Variants in RBM5 observed in about 807,000 individuals in gnomAD.
The protein encoded by RBM5 is RNA binding motif protein 5.
A neutral mutation model predicts 124.6 loss-of-function variants in RBM5; 15 were observed. That is an observed-to-expected ratio of 0.12 (90% CI 0.08 to 0.19). The LOEUF is 0.19. Ranked by LOEUF, RBM5 falls within the 10% of genes least tolerant of loss-of-function variation. The pLI is 1.00. For synonymous variants in RBM5, 337 were observed against 361.2 expected (o/e 0.93, Z 0.76); for missense variants, 580 against 1,026.5 (o/e 0.57, Z 5.94).
chr3:50,090,542 TG>T, intron 2 of RBM5, 91 bp downstream of exon 2: 3 of 1,473,434 alleles, frequency 2.0e-6, no homozygotes, highest in Non-Finnish European at 2.8e-6. Context: ...AATATATGAG[TG>T]TTTTGCGCCA....
chr3:50,113,390 A>G lies in RBM5; in HGVS notation c.1463A>G (p.Tyr488Cys), dbSNP rs2109016636. 1 of 1,612,620 alleles carries G rather than the reference A, an allele frequency of 6.2e-7. No homozygotes were observed. The highest frequency in any genetic ancestry group is 1.1e-5 in the South Asian group (1 of 90,808). Residue 488 changes from tyrosine (Y) to cysteine (C), a missense_variant, in exon 18 of 25, where the codon TAT becomes TGT. Physicochemically the swap from Tyr to Cys is radical, Grantham distance 194 (BLOSUM62 -2). Coordinates refer to ENST00000347869, the MANE Select transcript of RBM5 (RefSeq NM_005778.4). ...TTGTTTGTTGTTTTCTAGTACTACTATAATTCCTTGACCCAGCAGTACCTT... is the reference window on the plus strand; with the variant it reads ...TTGTTTGTTGTTTTCTAGTACTACTGTAATTCCTTGACCCAGCAGTACCTT... Reference protein sequence around the residue: ...LYYDPNSQYYYNSLTQQYLYW... With the variant: ...LYYDPNSQYYCNSLTQQYLYW...
Position 50,117,069 on chromosome 3 carries a change from T to C in RBM5, c.2095-5T>C, listed in dbSNP as rs1169726627. The stretch of plus-strand genomic sequence containing the variant: ...ATTTCCAGCAGTGTTTTTTCTCCCA[T>C]GTAGATGAAATACCGAGACCGAGCT... On this transcript the variant is annotated splice_polypyrimidine_tract_variant and splice_region_variant and intron_variant, in intron 22 of 24. Transcript: ENST00000347869. This position sits in a 1 kb window ranked among gnomAD's most constrained non-coding sequence, Gnocchi z 4.2. 13 of 1,613,150 alleles carry C rather than the reference T, an allele frequency of 8.1e-6. No individual in the cohort carries two copies. The highest frequency in any genetic ancestry group is 1.3e-5 in the African/African-American group (1 of 74,868).
intron 2 of RBM5, among the ~76,000 whole-genome samples, chr3:50,091,436 G>A (rs530176970): frequency 6.6e-6 from 1 of 152,308 alleles, no homozygotes; most frequent in South Asian, 2.1e-4. Flanking sequence ...ATGAAGCCCA[G>A]TGCTGCCCTT....
Position 50,100,099 on chromosome 3 carries a change from C to A in RBM5, c.409+48C>A. On this transcript the variant is annotated intron_variant, in intron 5 of 24. Coordinates refer to ENST00000347869, the MANE Select transcript of RBM5 (RefSeq NM_005778.4). This position sits in a 1 kb window ranked among gnomAD's most constrained non-coding sequence, Gnocchi z 5.1. ...ATATTATTGTTCTCTTCCCCATTCC[C>A]ACCTCAGTCCCTAAAGAACATCCTG... is the stretch of plus-strand genomic sequence containing the variant. 1 of 1,524,020 alleles carries A rather than the reference C, an allele frequency of 6.6e-7. No individual in the cohort carries two copies. The highest frequency in any genetic ancestry group is 9.0e-7 in the Non-Finnish European group (1 of 1,105,110). The allele number at this position is 1,524,020 out of a possible 1,614,324, so 94.4% of individuals were successfully genotyped here.
chr3:50,115,161 CCTT>C (rs1383290929), intron 20 of RBM5: 6 of 376,220 alleles, frequency 1.6e-5, no homozygotes, highest in Non-Finnish European at 2.9e-5. Context: ...GAGCGAGACT[CCTT>C]CTCCAAAGAA....
chr3:50,089,673 G>T (rs2090667510), intron 1 of RBM5, among the ~76,000 whole-genome samples: 1 of 152,136 alleles, frequency 6.6e-6, no homozygotes, highest in Non-Finnish European at 1.5e-5. Context: ...CTCTAGACTA[G>T]GCTTCCAGAG....
At chr3:50,111,070 A>T (rs1260843233) in intron 17 of RBM5, among the ~76,000 whole-genome samples, 2 of 152,198 alleles carry the variant, frequency 1.3e-5, no homozygotes, top group African/African-American at 4.8e-5. Context: ...ACCACCACTT[A>T]TTCCCAGCCC....
intron 4 of RBM5, chr3:50,094,086 C>CAA (rs1410529045): frequency 6.7e-6 from 3 of 450,410 alleles, no homozygotes; most frequent in Non-Finnish European, 1.2e-5. Context: ...TAAGTCTAAA[C>CAA]ATGAAATTCA....
At position 50,090,795 on chromosome 3, in the gene RBM5, G is replaced by C. The variant is rs1377623030; in HGVS notation, c.17+344G>C. On this transcript the variant is annotated intron_variant, in intron 2 of 24. Coordinates refer to ENST00000347869, the MANE Select transcript of RBM5 (RefSeq NM_005778.4). ...GGCAGGGTAGAGTGGGTCACTGAAG[G>C]TTCCCTGTGTGGACAGCAACCTTTG... Among the ~76,000 whole-genome samples, 12 of 152,184 alleles carry C rather than the reference G, an allele frequency of 7.9e-5. No individual in the cohort carries two copies. In the East Asian group the frequency reaches 2.3e-3, roughly 29 times the overall value.
chr3:50,101,027 G>A (rs1032622410), intron 6 of RBM5: 2 of 155,446 alleles, frequency 1.3e-5, no homozygotes, highest in Non-Finnish European at 2.8e-5. Flanking sequence ...AGACCACAAA[G>A]CCTCCTGGAG....
intron 11 of RBM5, 166 bp downstream of exon 11, chr3:50,107,030 A>G: frequency 1.4e-6 from 1 of 715,322 alleles, no homozygotes; most frequent in Non-Finnish European, 2.5e-6. Flanking sequence ...ATTATTCCCT[A>G]CTGTCCTGTG....
chr3:50,092,270 ACAGCCAGG>A, intron 3 of RBM5, 62 bp downstream of exon 3: 1 of 1,542,106 alleles, frequency 6.5e-7, no homozygotes, highest in African/African-American at 1.4e-5. Flanking sequence ...AATAGAAATA[ACAGCCAGG>A]CAGCCAGGTC....
chr3:50,096,089 C>T (rs771178240), intron 4 of RBM5, among the ~76,000 whole-genome samples: 1 of 152,062 alleles, frequency 6.6e-6, no homozygotes, highest in Non-Finnish European at 1.5e-5. Flanking sequence ...ATCTGCTACA[C>T]TGTACATGTT....
Position 50,100,902 on chromosome 3 carries a change from C to T in RBM5, c.483+297C>T, listed in dbSNP as rs1188314441. 3 of 275,584 alleles carry T rather than the reference C, an allele frequency of 1.1e-5. No homozygotes were observed. The highest frequency in any genetic ancestry group is 2.0e-5 in the Non-Finnish European group (3 of 147,678). 17.1% of individuals were successfully genotyped at this position (275,584 alleles called of 1,614,324 possible). A position where few individuals can be genotyped will look rare whatever the true frequency, so the allele number is the denominator to read the frequency against. On this transcript the variant is annotated intron_variant, in intron 6 of 24. Coordinates refer to ENST00000347869, the MANE Select transcript of RBM5 (RefSeq NM_005778.4). This position sits in a 1 kb window ranked among gnomAD's most constrained non-coding sequence, Gnocchi z 5.1. ...CCCTTTTTTCTAGTTTGTTATATTC[C>T]TATTATGTCCATTGAGAGTAAGCTT...
chr3:50,095,494 G>A (rs2090794740), intron 4 of RBM5, among the ~76,000 whole-genome samples: 1 of 152,030 alleles, frequency 6.6e-6, no homozygotes. Flanking sequence ...GAGTCTTAGT[G>A]TACTTGGCAC....
intron 11 of RBM5, 149 bp downstream of exon 11, chr3:50,107,013 T>C (rs2109007048): frequency 1.3e-6 from 1 of 741,250 alleles, no homozygotes; most frequent in African/African-American, 1.7e-5. Context: ...TTTGTCTTCT[T>C]TTAGTGATTA....
intron 3 of RBM5, among the ~76,000 whole-genome samples, chr3:50,093,500 G>A (rs538010217): frequency 1.5e-4 from 23 of 151,940 alleles, no homozygotes; most frequent in African/African-American, 5.6e-4. Context: ...AGCACTTTGG[G>A]AGGCCATAGC....
intron 6 of RBM5, 137 bp from the exon 7 acceptor site, chr3:50,102,946 A>G: frequency 1.5e-6 from 1 of 685,630 alleles, no homozygotes. Context: ...GGCAGAGTAT[A>G]GGTGGCGGTG....
chr3:50,094,037 A>G, intron 4 of RBM5, 162 bp downstream of exon 4: 1 of 636,766 alleles, frequency 1.6e-6, no homozygotes, highest in Non-Finnish European at 2.5e-6. Context: ...TTTTTTTTTA[A>G]TATTTGCATT....
Sources: gnomAD v4.1 joint callset for allele counts (sites outside exome capture counted in the v4.1 genomes callset) on GRCh38, gnomAD v4.1.1 for gene constraint, Gnocchi (gnomAD v3.1) non-coding constraint, MANE v1.5 for transcripts, NCBI Gene and HGNC (gene_info 2026-07-23, HGNC 2026-07-21) for gene names.